Variants in PIGG observed in about 807,000 individuals in gnomAD.
The protein encoded by PIGG is GPI ethanolamine phosphate transferase 2, catalytic subunit.
In PIGG, 70 loss-of-function variants were observed where a neutral mutation model predicts 83.2. The observed-to-expected ratio is 0.84, with a 90% confidence interval of 0.69 to 1.03. PIGG has a LOEUF of 1.03. Among genes scored for constraint, PIGG ranks in the 50% least tolerant of loss-of-function variants. PIGG has a pLI of 0.00. For missense variants in PIGG, 1,257 were observed against 1,233.6 expected (o/e 1.02, Z -0.28); for synonymous variants, 532 against 519.5 (o/e 1.02, Z -0.33).
chr4:533,710 A>C, intron 11 of PIGG, 108 bp from the exon 12 acceptor site: 2 of 1,039,846 alleles, frequency 1.9e-6, no homozygotes, highest in Non-Finnish European at 2.9e-6. Flanking sequence ...CGGCGTGGTT[A>C]TCTGGGCTGC....
Position 530,759 on chromosome 4 carries a change from AT to A in PIGG, c.2571+16del. 1 of 1,528,720 alleles carries A rather than the reference AT, an allele frequency of 6.5e-7. No individual in the cohort carries two copies. Among genetic ancestry groups the A allele is most frequent in the Non-Finnish European group, 9.0e-7 (1 of 1,105,256 alleles). 94.7% of individuals were successfully genotyped at this position (1,528,720 alleles called of 1,614,324 possible). A position where few individuals can be genotyped will look rare whatever the true frequency, so the allele number is the denominator to read the frequency against. On this transcript the variant is annotated intron_variant, in intron 11 of 12. Transcript: ENST00000453061. ...TTCTATTTTCAGGTAGGTTTTCATTATTATCATGGGTAGTAGACTTCATGTT... is the reference window on the plus strand; with the variant it reads ...TTCTATTTTCAGGTAGGTTTTCATTATATCATGGGTAGTAGACTTCATGTT...
At chr4:522,306 G>A in intron 8 of PIGG, 1 of 499,086 alleles carries the variant, frequency 2.0e-6, no homozygotes, top group Non-Finnish European at 3.6e-6. Context: ...GGGAGCTGCA[G>A]CTGAGGGAAG....
At chr4:538,566 T>TG (rs907982788) in intron 12 of PIGG, among the ~76,000 whole-genome samples, 12 of 152,318 alleles carry the variant, frequency 7.9e-5, no homozygotes, top group East Asian at 5.8e-4. Flanking sequence ...CTGCAAAGTC[T>TG]GGGGGGTGCG....
chr4:535,962 T>C (rs1022603644), intron 12 of PIGG, among the ~76,000 whole-genome samples: 2 of 152,342 alleles, frequency 1.3e-5, no homozygotes, highest in Admixed American at 6.5e-5. Context: ...CTGACAGGAC[T>C]GAGGAGCCCT....
chr4:539,384 T>G lies in PIGG; in HGVS notation c.*15T>G. ...CACAGTCTTAGACTAAGCTGAACAC[T>G]GGAAAAATAATACATGCTTAAAGTC... On this transcript the variant is annotated 3_prime_UTR_variant, in exon 13 of 13. Coordinates refer to ENST00000453061, the MANE Select transcript of PIGG (RefSeq NM_001127178.3). 6.8e-7 allele frequency: 1 copy of G among 1,461,146 alleles called. No homozygotes were observed. Among genetic ancestry groups the G allele is most frequent in the Non-Finnish European group, 9.5e-7 (1 of 1,047,638 alleles). 90.5% of individuals were successfully genotyped at this position (1,461,146 alleles called of 1,614,324 possible).
Position 499,219 on chromosome 4 carries a change from G to A in PIGG, c.-117G>A. 2 of 1,123,602 alleles carry A rather than the reference G, an allele frequency of 1.8e-6. No individual in the cohort carries two copies. The highest frequency in any genetic ancestry group is 2.5e-6 in the Non-Finnish European group (2 of 807,340). 69.6% of individuals were successfully genotyped at this position (1,123,602 alleles called of 1,614,324 possible). A position where few individuals can be genotyped will look rare whatever the true frequency, so the allele number is the denominator to read the frequency against. ...CGGCGGACGTGACGCCACTGTCGCT[G>A]CGACGATAAGGCCTGGCGTTATTGC... On this transcript the variant is annotated 5_prime_UTR_variant, in exon 1 of 13. Transcript: ENST00000453061.
At chr4:505,637 A>G in intron 2 of PIGG, 81 bp from the exon 3 acceptor site, 2 of 1,056,688 alleles carry the variant, frequency 1.9e-6, no homozygotes, top group Non-Finnish European at 1.4e-6. Flanking sequence ...TGTCTCAAAA[A>G]AAAAAAAAAA....
intron 2 of PIGG, among the ~76,000 whole-genome samples, chr4:505,459 C>CAAAAAAA (rs35308755): frequency 2.2e-5 from 1 of 45,010 alleles, no homozygotes; most frequent in Non-Finnish European, 3.9e-5. Context: ...CTGTATCTAC[C>CAAAAAAA]AAAAAAAAAA....
chr4:507,476 C>T lies in PIGG; in HGVS notation c.642C>T (p.His214=). The T allele has an allele frequency of 1.2e-6, 2 of 1,613,898 alleles. No homozygotes were observed. The highest frequency in any genetic ancestry group is 1.3e-5 in the African/African-American group (1 of 75,040). Residue 214 remains histidine (H), a synonymous_variant, in exon 4 of 13, where the codon CAC becomes CAT. Transcript: ENST00000453061. Reference sequence around the variant, plus strand: ...GAGATTGGGACATATTAATCCTCCACTACCTGGGGCTGGACCACATTGGCC... The same window carrying T: ...GAGATTGGGACATATTAATCCTCCATTACCTGGGGCTGGACCACATTGGCC... ...KRGDWDILIL[H]YLGLDHIGHI...
At chr4:519,994 G>T (rs1725270552) in intron 6 of PIGG, among the ~76,000 whole-genome samples, 1 of 150,234 alleles carries the variant, frequency 6.7e-6, no homozygotes, top group Admixed American at 6.6e-5. Context: ...AGGCGTGTGG[G>T]TTCACGCTCA....
rs1386781500 is a variant in PIGG, at chr4:523,905, G to T, written c.2061G>T (p.Trp687Cys). The T allele has an allele frequency of 3.3e-6, 5 of 1,524,956 alleles. No homozygotes were observed. In the South Asian group the frequency reaches 6.1e-5, roughly 19 times the overall value. 94.5% of individuals were successfully genotyped at this position (1,524,956 alleles called of 1,614,324 possible). The change falls in exon 9 of 13, where the codon TGG (tryptophan) becomes TGT (cysteine). Residue 687 changes from tryptophan to cysteine, a missense_variant. By Grantham distance (215) the Trp-to-Cys change is radical (BLOSUM62 -2). Coordinates refer to ENST00000453061, the MANE Select transcript of PIGG (RefSeq NM_001127178.3). ...QWAHRPDLGH[W>C]LTSSDHKAEL... ...CTCACCGGCCTGACCTCGGCCACTG[G>T]CTCACCAGGTGAGAGCGTAGGCCCG...
At chr4:523,172 C>T (rs756794222) in intron 8 of PIGG, among the ~76,000 whole-genome samples, 1 of 152,188 alleles carries the variant, frequency 6.6e-6, no homozygotes, top group Non-Finnish European at 1.5e-5. Context: ...CTTTGTCACT[C>T]ACCTTGGGAC....
chr4:500,736 A>G, intron 2 of PIGG, 135 bp downstream of exon 2: 1 of 650,294 alleles, frequency 1.5e-6, no homozygotes, highest in South Asian at 1.8e-5. Flanking sequence ...CTGGGGCAAT[A>G]GAATGTTGAA....
chr4:538,143 G>T (rs113853138), intron 12 of PIGG, among the ~76,000 whole-genome samples: 3,122 of 151,064 alleles, frequency 0.021, 163 homozygotes, highest in African/African-American at 0.072. Flanking sequence ...CACACGTGCC[G>T]ACAGGACTGA....
chr4:532,851 G>A (rs1729392589), intron 11 of PIGG: 1 of 152,796 alleles, frequency 6.5e-6, no homozygotes. Context: ...ACAGACATCA[G>A]AGTCAGTAAA....
At chr4:509,325 T>C (rs1322298687) in intron 5 of PIGG, among the ~76,000 whole-genome samples, 3 of 152,188 alleles carry the variant, frequency 2.0e-5, no homozygotes, top group Admixed American at 2.0e-4. Context: ...TTGTAAACCA[T>C]CTATTGAATA....
intron 5 of PIGG, among the ~76,000 whole-genome samples, chr4:510,597 G>A (rs1721571593): frequency 6.6e-6 from 1 of 152,332 alleles, no homozygotes; most frequent in Non-Finnish European, 1.5e-5. Context: ...GCTAGGAATG[G>A]TGGGGGCAGC....
chr4:517,550 T>C (rs57834329), intron 6 of PIGG, among the ~76,000 whole-genome samples: 1 of 151,986 alleles, frequency 6.6e-6, no homozygotes, highest in East Asian at 1.9e-4. Flanking sequence ...TCAGGAAGCA[T>C]GGAGTGGGCA....
In PIGG at chr4:528,708, C is replaced by A. The variant is rs112108753; in HGVS notation, c.2261+1478C>A. 24 of 985,336 alleles carry A rather than the reference C, an allele frequency of 2.4e-5. No individual in the cohort carries two copies. The African/African-American group carries it at 3.0e-4, about 12-fold the overall frequency. 61.0% of individuals were successfully genotyped at this position (985,336 alleles called of 1,614,324 possible). A position where few individuals can be genotyped will look rare whatever the true frequency, so the allele number is the denominator to read the frequency against. ...TTAAGGTGCAGCGTATGAATAAATT[C>A]ATTTCCTCACAGATCTATACACTGA... On this transcript the variant is annotated intron_variant, in intron 10 of 12. Transcript: ENST00000453061. This position sits in a 1 kb window ranked among gnomAD's most constrained non-coding sequence, Gnocchi z 4.8.
Sources: gnomAD v4.1 joint callset for allele counts (sites outside exome capture counted in the v4.1 genomes callset) on GRCh38, gnomAD v4.1.1 for gene constraint, Gnocchi (gnomAD v3.1) non-coding constraint, MANE v1.5 for transcripts, NCBI Gene and HGNC (gene_info 2026-07-23, HGNC 2026-07-21) for gene names.